Variants in P2RY8 observed in about 807,000 individuals in gnomAD.
P2RY8 encodes the protein P2Y receptor family member 8.
P2RY8 carries 6 observed loss-of-function variants against 10.0 expected under a neutral mutation model. That is an observed-to-expected ratio of 0.60 (90% CI 0.33 to 1.19). P2RY8 has a LOEUF of 1.19. Ranked by LOEUF, P2RY8 falls within the 50% of genes most tolerant of loss-of-function variation. P2RY8 has a pLI of 0.04. For missense variants in P2RY8, 456 were observed against 542.0 expected, an observed-to-expected ratio of 0.84 and a Z score of 1.58; for synonymous variants, 276 against 252.5, an observed-to-expected ratio of 1.09 and a Z score of -0.88.
chrX:1,473,510 T>C (rs1394137127), intron 1 of P2RY8, among the ~76,000 whole-genome samples: 1 of 109,728 alleles, frequency 9.1e-6, no homozygotes, highest in African/African-American at 3.2e-5. Flanking sequence ...GGTGAATGGA[T>C]GGATGCATGG....
At chrX:1,509,198 TGTATCTAC>T (rs2092270650) in intron 1 of P2RY8, among the ~76,000 whole-genome samples, 5 of 138,528 alleles carry the variant, frequency 3.6e-5, no homozygotes, top group African/African-American at 7.8e-5. Context: ...TATCCATCTA[TGTATCTAC>T]CTATCTAGCC....
At position 1,534,367 on chromosome X, in the gene P2RY8, C is replaced by G. The variant is rs185266872; in HGVS notation, c.-25+2554G>C. Among the ~76,000 whole-genome samples, 4 of 151,298 alleles carry G rather than the reference C, an allele frequency of 2.6e-5. No homozygotes were observed. The East Asian group carries it at 7.7e-4, about 29-fold the overall frequency. Reference sequence around the variant, plus strand: ...ATCACTAGGGAGCGACATTGTGAACCGCAGAACACTCCCTGCAGTCCCCTG... The same window carrying G: ...ATCACTAGGGAGCGACATTGTGAACGGCAGAACACTCCCTGCAGTCCCCTG... On this transcript the variant is annotated intron_variant, in intron 1 of 1. Coordinates refer to ENST00000381297, the MANE Select transcript of P2RY8 (RefSeq NM_178129.5).
chrX:1,466,060 C>T lies in P2RY8; in HGVS notation c.499G>A (p.Val167Met). ...CAGGTGATGATGCCCAGGGCGTGCA[C>T]CGGGTAGGTGAGATCGGTGCGCGCC... ...PLARTDLTYP[V>M]HALGIITCFD... Residue 167 changes from valine to methionine, a missense_variant, in exon 2 of 2, where the codon GTG becomes ATG. Coordinates refer to ENST00000381297, the MANE Select transcript of P2RY8 (RefSeq NM_178129.5). 6.2e-7 allele frequency: 1 copy of T among 1,611,754 alleles called. No homozygotes were observed. The highest frequency in any genetic ancestry group is 1.1e-5 in the South Asian group (1 of 91,000).
intron 1 of P2RY8, among the ~76,000 whole-genome samples, chrX:1,509,312 TC>T (rs200581363): frequency 0.084 from 12,543 of 149,298 alleles, 542 homozygotes; most frequent in Non-Finnish European, 0.12. Context: ...TATTCATCCA[TC>T]TATCTATCCT....
At chrX:1,488,824 C>T (rs1455857694) in intron 1 of P2RY8, among the ~76,000 whole-genome samples, 1 of 77,160 alleles carries the variant, frequency 1.3e-5, no homozygotes. Flanking sequence ...GAATAACACT[C>T]AGAGCGTCCA....
chrX:1,530,215 T>A (rs1343981625), intron 1 of P2RY8, among the ~76,000 whole-genome samples: 1 of 149,704 alleles, frequency 6.7e-6, no homozygotes, highest in Non-Finnish European at 1.5e-5. Context: ...TATCTATCTA[T>A]GTATCCATGT....
chrX:1,524,803 A>C, intron 1 of P2RY8, among the ~76,000 whole-genome samples: 1 of 89,760 alleles, frequency 1.1e-5, no homozygotes, highest in Non-Finnish European at 2.4e-5. Flanking sequence ...TCATCCATCC[A>C]CTCATCCATC....
intron 1 of P2RY8, among the ~76,000 whole-genome samples, chrX:1,495,972 A>G (rs1330477277): frequency 6.8e-5 from 8 of 117,836 alleles, no homozygotes; most frequent in East Asian, 2.8e-4. Flanking sequence ...CTAAGTCCAC[A>G]AGAGAGGCCT....
rs1407852642 is a variant in P2RY8 at position 1,463,628 on chromosome X, G to A, written c.*1851C>T. ...CGAATAAAATCTATAATAATTTCAG[G>A]TTCTGGGCTTTAAAACAAGACATGT... On this transcript the variant is annotated 3_prime_UTR_variant, in exon 2 of 2. Coordinates refer to ENST00000381297, the MANE Select transcript of P2RY8 (RefSeq NM_178129.5). The A allele has an allele frequency of 2.1e-4, 50 of 232,796 alleles. No individual in the cohort carries two copies. The highest frequency in any genetic ancestry group is 3.5e-4 in the Non-Finnish European group (41 of 117,824). The allele number at this position is 232,796 out of a possible 1,614,324, so 14.4% of individuals were successfully genotyped here.
At chrX:1,522,250 C>T (rs1359226384) in intron 1 of P2RY8, among the ~76,000 whole-genome samples, 1 of 151,748 alleles carries the variant, frequency 6.6e-6, no homozygotes, top group East Asian at 1.9e-4. Context: ...CCACCATGCC[C>T]CGCCCTCTTT....
At chrX:1,503,992 TTAAA>T (rs2092204821) in intron 1 of P2RY8, among the ~76,000 whole-genome samples, 1 of 152,100 alleles carries the variant, frequency 6.6e-6, no homozygotes, top group Admixed American at 6.6e-5. Context: ...AATTATCCAC[TTAAA>T]TAACCTGTAA....
chrX:1,502,365 C>T (rs1462941737), intron 1 of P2RY8, among the ~76,000 whole-genome samples: 1 of 152,166 alleles, frequency 6.6e-6, no homozygotes, highest in Non-Finnish European at 1.5e-5. Flanking sequence ...CTCCTCCCCT[C>T]CCTCCCCCAC....
intron 1 of P2RY8, among the ~76,000 whole-genome samples, chrX:1,513,611 C>T (rs866857267): frequency 2.0e-5 from 3 of 151,956 alleles, no homozygotes. Context: ...GATCCAATCT[C>T]AAGGTCCTTA....
At chrX:1,526,531 T>G (rs5948940) in intron 1 of P2RY8, among the ~76,000 whole-genome samples, 109,881 of 151,720 alleles carry the variant, frequency 0.72, 40,597 homozygotes, top group East Asian at 0.98. Context: ...GATGGATGGA[T>G]GCATCCACCA....
At chrX:1,534,287 C>G in intron 1 of P2RY8, among the ~76,000 whole-genome samples, 1 of 144,900 alleles carries the variant, frequency 6.9e-6, no homozygotes, top group Non-Finnish European at 1.5e-5. Flanking sequence ...TATATATATA[C>G]ACACACACAG....
intron 1 of P2RY8, among the ~76,000 whole-genome samples, chrX:1,531,662 C>A (rs1211592842): frequency 2.6e-5 from 4 of 152,136 alleles, no homozygotes; most frequent in African/African-American, 4.8e-5. Flanking sequence ...CCCATGGAGA[C>A]CTTCTTGGCT....
At chrX:1,493,396 GGAA>G (rs2092077905) in intron 1 of P2RY8, among the ~76,000 whole-genome samples, 1 of 31,880 alleles carries the variant, frequency 3.1e-5, no homozygotes, top group Non-Finnish European at 8.8e-5. Context: ...AGGGAGGGAG[GGAA>G]GGAGGAAGGA....
rs374798409 is a variant in P2RY8, at chrX:1,465,503, G to C, written c.1056C>G (p.Leu352=). Residue 352 remains leucine (L), a synonymous_variant, in exon 2 of 2, where the codon CTC becomes CTG. Coordinates refer to ENST00000381297, the MANE Select transcript of P2RY8 (RefSeq NM_178129.5). ...CTCAGAACACACTCTCCTGCCTCTG[G>C]AGGCCGGGCCTGGTGGCTCCCTCCA... ...EGMEGATRPG[L]QRQESVF The C allele has an allele frequency of 2.4e-4, 385 of 1,608,568 alleles. 7 individuals carry two copies. In the South Asian group the frequency reaches 3.4e-3, roughly 14 times the overall value.
rs1203800388 is a variant in P2RY8, at chrX:1,478,140, C to T, written c.-24-11558G>A. Among the ~76,000 whole-genome samples, 3 of 152,054 alleles carry T rather than the reference C, an allele frequency of 2.0e-5. No homozygotes were observed. The East Asian group carries it at 5.8e-4, about 29-fold the overall frequency. ...CCAGAAGCAATAACAAAGAGAAGTT[C>T]TTGACTCATGTGGAACCTTCCATTG... On this transcript the variant is annotated intron_variant, in intron 1 of 1. Coordinates refer to ENST00000381297, the MANE Select transcript of P2RY8 (RefSeq NM_178129.5).
Sources: gnomAD v4.1 joint callset for allele counts (sites outside exome capture counted in the v4.1 genomes callset) on GRCh38, gnomAD v4.1.1 for gene constraint, MANE v1.5 for transcripts, NCBI Gene and HGNC (gene_info 2026-07-23, HGNC 2026-07-21) for gene names.